Variants in COL28A1 observed in about 807,000 individuals in gnomAD.
COL28A1 encodes collagen type XXVIII alpha 1 chain, also known as collagen alpha-1(XXVIII) chain.
COL28A1 carries 161 observed loss-of-function variants against 150.2 expected under a neutral mutation model. The observed-to-expected ratio is 1.07, with a 90% CI of 0.94 to 1.22. COL28A1 has a LOEUF of 1.22. Among genes scored for constraint, COL28A1 ranks in the 50% most tolerant of loss-of-function variants. The pLI, the probability that COL28A1 is intolerant of heterozygous loss-of-function variation, is 0.00. For synonymous variants in COL28A1, 552 were observed against 469.7 expected (o/e 1.18, Z -2.26); for missense variants, 1,617 against 1,388.3 (o/e 1.16, Z -2.62).
chr7:7,388,815 T>C (rs1583271110), intron 27 of COL28A1, among the ~76,000 whole-genome samples: 1 of 152,354 alleles, frequency 6.6e-6, no homozygotes, highest in East Asian at 1.9e-4. Context: ...TTGAGAAGTG[T>C]CTGTTCATAT....
chr7:7,436,608 G>C, intron 22 of COL28A1, 145 bp from the exon 23 acceptor site: 3 of 623,604 alleles, frequency 4.8e-6, no homozygotes, highest in Non-Finnish European at 8.6e-6. Flanking sequence ...AAACATATTT[G>C]AGGGGACTTT....
At chr7:7,426,299 C>G (rs923958786) in intron 25 of COL28A1, among the ~76,000 whole-genome samples, 2 of 152,212 alleles carry the variant, frequency 1.3e-5, no homozygotes, top group Admixed American at 1.3e-4. Context: ...TATAACTACT[C>G]CAACTACCAC....
chr7:7,437,532 G>C, intron 21 of COL28A1, 70 bp from the exon 22 acceptor site: 5 of 1,526,554 alleles, frequency 3.3e-6, no homozygotes, highest in South Asian at 1.3e-5. Flanking sequence ...ATTAAGAAAA[G>C]TACAGAAATG....
chr7:7,368,113 G>A (rs1282808101), intron 33 of COL28A1, among the ~76,000 whole-genome samples: 13 of 152,038 alleles, frequency 8.6e-5, no homozygotes, highest in Admixed American at 8.5e-4. Context: ...TCCTAGGTAT[G>A]TTTCACACAG....
chr7:7,364,058 C>T (rs1196563442), intron 33 of COL28A1, among the ~76,000 whole-genome samples: 1 of 152,154 alleles, frequency 6.6e-6, no homozygotes, highest in African/African-American at 2.4e-5. Context: ...AACCCTTCCA[C>T]CACAGCCTAG....
intron 16 of COL28A1, among the ~76,000 whole-genome samples, chr7:7,454,778 C>A (rs1325684179): frequency 6.6e-6 from 1 of 152,114 alleles, no homozygotes; most frequent in Non-Finnish European, 1.5e-5. Context: ...TAAGCCCCTG[C>A]TAAAACCAAC....
At chr7:7,443,279 C>G (rs1330422084) in intron 20 of COL28A1, among the ~76,000 whole-genome samples, 1 of 152,120 alleles carries the variant, frequency 6.6e-6, no homozygotes, top group Non-Finnish European at 1.5e-5. Context: ...ACTGTCAAAT[C>G]TCAACGATGT....
At chr7:7,352,689 G>A (rs1780258132), downstream of COL28A1, among the ~76,000 whole-genome samples, 1 of 152,162 alleles carries the variant, frequency 6.6e-6, no homozygotes, top group South Asian at 2.1e-4. Flanking sequence ...CAGCCCTATG[G>A]ACACTTTGAT....
intron 18 of COL28A1, among the ~76,000 whole-genome samples, chr7:7,449,595 T>C (rs1425340748): frequency 6.6e-6 from 1 of 151,886 alleles, no homozygotes; most frequent in African/African-American, 2.4e-5. Context: ...TCAGACAGTA[T>C]GATTGTGTAC....
intron 1 of COL28A1, among the ~76,000 whole-genome samples, chr7:7,533,927 G>A (rs1782506866): frequency 6.6e-6 from 1 of 152,130 alleles, no homozygotes; most frequent in Admixed American, 6.6e-5. Context: ...TCTGGAAAAG[G>A]AATCACATTT....
chr7:7,475,110 T>C (rs879051599), intron 14 of COL28A1, among the ~76,000 whole-genome samples: 2 of 150,318 alleles, frequency 1.3e-5, no homozygotes, highest in East Asian at 2.0e-4. Flanking sequence ...ATTATTACCT[T>C]TTTTTTTGTT....
intron 33 of COL28A1, among the ~76,000 whole-genome samples, chr7:7,369,443 A>G (rs912427848): frequency 1.3e-5 from 2 of 152,250 alleles, no homozygotes. Flanking sequence ...ACAGAAATCA[A>G]ATTACCTGAA....
intron 8 of COL28A1, among the ~76,000 whole-genome samples, chr7:7,514,102 T>G (rs7795005): frequency 0.74 from 112,226 of 152,158 alleles, 42,288 homozygotes; most frequent in African/African-American, 0.91. Flanking sequence ...AAAGTGAAAT[T>G]AATCTTTTCA....
At chr7:7,443,157 A>T (rs1785944760) in intron 20 of COL28A1, among the ~76,000 whole-genome samples, 1 of 152,218 alleles carries the variant, frequency 6.6e-6, no homozygotes, top group Non-Finnish European at 1.5e-5. Flanking sequence ...ATGTTATTCA[A>T]CTAGCATTTC....
intron 26 of COL28A1, among the ~76,000 whole-genome samples, chr7:7,418,585 G>A (rs908909665): frequency 2.0e-5 from 3 of 152,152 alleles, no homozygotes; most frequent in African/African-American, 7.2e-5. Context: ...AGAAATTAGT[G>A]TAACGTTGCT....
At chr7:7,423,591 G>A (rs891554541) in intron 25 of COL28A1, among the ~76,000 whole-genome samples, 11 of 152,006 alleles carry the variant, frequency 7.2e-5, no homozygotes, top group Non-Finnish European at 7.4e-5. Context: ...CGGAGAGAAG[G>A]CAAGATTTTT....
chr7:7,424,617 C>G (rs1236638005), intron 25 of COL28A1, among the ~76,000 whole-genome samples: 1 of 152,100 alleles, frequency 6.6e-6, no homozygotes, highest in African/African-American at 2.4e-5. Context: ...AGATAATGAA[C>G]AGACGTGCGA....
At chr7:7,366,882 T>C (rs1025751721) in intron 33 of COL28A1, among the ~76,000 whole-genome samples, 1 of 152,244 alleles carries the variant, frequency 6.6e-6, no homozygotes, top group Admixed American at 6.5e-5. Context: ...AATGTTTGGA[T>C]ACTGTAATTA....
chr7:7,460,833 C>A (rs1787555046), intron 15 of COL28A1, among the ~76,000 whole-genome samples: 1 of 152,320 alleles, frequency 6.6e-6, no homozygotes, highest in Non-Finnish European at 1.5e-5. Context: ...AACCTAATTT[C>A]TCAGATCATA....
Sources: gnomAD v4.1 joint callset for allele counts (sites outside exome capture counted in the v4.1 genomes callset) on GRCh38, gnomAD v4.1.1 for gene constraint, MANE v1.5 for transcripts, NCBI Gene and HGNC (gene_info 2026-07-23, HGNC 2026-07-21) for gene names.